ATAD2: variants seen among roughly 807,000 people sequenced by gnomAD.
ATAD2 encodes the protein ATPase family AAA domain-containing protein 2.
A neutral mutation model predicts 168.9 loss-of-function variants in ATAD2; 62 were observed. The ratio of observed to expected loss-of-function variants is 0.37; its 90% CI spans 0.30 to 0.45. The LOEUF is 0.45. Among genes scored for constraint, ATAD2 ranks in the 20% least tolerant of loss-of-function variants. The pLI, the probability that ATAD2 is intolerant of heterozygous loss-of-function variation, is 1.00. For missense variants in ATAD2, 1,419 were observed against 1,667.8 expected, an observed-to-expected ratio of 0.85 and a Z score of 2.60; for synonymous variants, 613 against 571.6, an observed-to-expected ratio of 1.07 and a Z score of -1.03.
At chr8:123,378,109 T>C (rs1476860284) in intron 2 of ATAD2, among the ~76,000 whole-genome samples, 1 of 152,210 alleles carries the variant, frequency 6.6e-6, no homozygotes, top group Admixed American at 6.5e-5. Flanking sequence ...ACTTCATCAA[T>C]TCTAAAAGTT....
chr8:123,368,622 A>T (rs1288140784), intron 8 of ATAD2, among the ~76,000 whole-genome samples: 1 of 152,204 alleles, frequency 6.6e-6, no homozygotes, highest in East Asian at 1.9e-4. Context: ...CAGAGTCATG[A>T]AAGGTCTAGA....
chr8:123,371,373 G>A, intron 4 of ATAD2, 35 bp from the exon 5 acceptor site: 4 of 1,505,208 alleles, frequency 2.7e-6, no homozygotes, highest in South Asian at 1.3e-5. Context: ...AGTGAAAATT[G>A]TAAAAGAGTA....
chr8:123,324,843 C>G (rs1023362031), intron 26 of ATAD2, among the ~76,000 whole-genome samples: 4 of 152,110 alleles, frequency 2.6e-5, no homozygotes, highest in Non-Finnish European at 4.4e-5. Flanking sequence ...GAATGAGCAA[C>G]AGATAACCTG....
chr8:123,382,020 T>C (rs548363710), intron 1 of ATAD2, among the ~76,000 whole-genome samples: 2 of 152,304 alleles, frequency 1.3e-5, no homozygotes, highest in East Asian at 1.9e-4. Context: ...CACTCCAGCC[T>C]GGGCGACACA....
intron 22 of ATAD2, 146 bp downstream of exon 22, chr8:123,336,227 C>A: frequency 2.8e-6 from 2 of 709,022 alleles, no homozygotes; most frequent in Non-Finnish European, 4.2e-6. Flanking sequence ...TTCTAAACTT[C>A]ATTTTTACCA....
At chr8:123,359,499 T>C (rs1202105085) in intron 10 of ATAD2, 78 bp downstream of exon 10, 68 of 1,379,742 alleles carry the variant, frequency 4.9e-5, no homozygotes, top group South Asian at 2.4e-4. Context: ...AGAAAAATCA[T>C]TGGTTCCTTT....
chr8:123,410,676 TTTTCACTCTA>T (rs552260509), intron 1 of ATAD2, among the ~76,000 whole-genome samples: 9 of 152,326 alleles, frequency 5.9e-5, no homozygotes, highest in South Asian at 2.1e-4. Flanking sequence ...GGGAGCTCTG[TTTTCACTCTA>T]TTTCACTCTA....
At chr8:123,389,181 T>A (rs1358630688) in intron 1 of ATAD2, among the ~76,000 whole-genome samples, 1 of 142,466 alleles carries the variant, frequency 7.0e-6, no homozygotes. Flanking sequence ...TTTCACCGTG[T>A]TAGCCAGGAT....
At chr8:123,401,648 C>A in intron 1 of ATAD2, 1 of 840,210 alleles carries the variant, frequency 1.2e-6, no homozygotes, top group Non-Finnish European at 2.1e-6. Context: ...CTTTGGTGTG[C>A]CCATCATAGC....
intron 8 of ATAD2, among the ~76,000 whole-genome samples, chr8:123,364,643 T>C (rs1283722732): frequency 2.0e-5 from 3 of 152,166 alleles, no homozygotes; most frequent in Admixed American, 2.0e-4. Context: ...ATAAATGTGA[T>C]ACACCACATA....
rs1029737710 is a variant in ATAD2, at chr8:123,320,615, C to T, written c.*519G>A. On this transcript the variant is annotated 3_prime_UTR_variant, in exon 28 of 28. Transcript: ENST00000287394. ...GGTGCAGCCAGAAGTGGTTCAAGAG[C>T]CCTCCCGCAAATCATGACTTGCACT... 2 of 153,254 alleles carry T rather than the reference C, an allele frequency of 1.3e-5. No homozygotes were observed. The highest frequency in any genetic ancestry group is 4.8e-5 in the African/African-American group (2 of 41,540). The allele number at this position is 153,254 out of a possible 1,614,324, so 9.5% of individuals were successfully genotyped here. A position where few individuals can be genotyped will look rare whatever the true frequency, so the allele number is the denominator to read the frequency against.
intron 1 of ATAD2, among the ~76,000 whole-genome samples, chr8:123,409,574 C>G (rs537685995): frequency 6.6e-6 from 1 of 152,214 alleles, no homozygotes; most frequent in East Asian, 1.9e-4. Context: ...CTCACTACAG[C>G]TTTGATCGCC....
intron 6 of ATAD2, 64 bp from the exon 7 acceptor site, chr8:123,370,088 A>G: frequency 7.1e-7 from 1 of 1,403,278 alleles, no homozygotes; most frequent in Admixed American, 1.9e-5. Flanking sequence ...TTTTTAACAT[A>G]GGTGAGTTGG....
At chr8:123,359,515 AC>A in intron 10 of ATAD2, 61 bp downstream of exon 10, 1 of 1,455,136 alleles carries the variant, frequency 6.9e-7, no homozygotes, top group South Asian at 1.2e-5. Context: ...CCTTTTTTTA[AC>A]TTTAAAACTA....
chr8:123,344,212 A>G (rs2131317334), intron 19 of ATAD2, among the ~76,000 whole-genome samples: 1 of 152,304 alleles, frequency 6.6e-6, no homozygotes, highest in Non-Finnish European at 1.5e-5. Flanking sequence ...AAATTATAGT[A>G]CATCAACAGT....
chr8:123,413,185 C>CA (rs1421703475), intron 1 of ATAD2, among the ~76,000 whole-genome samples: 1 of 150,926 alleles, frequency 6.6e-6, no homozygotes, highest in East Asian at 2.0e-4. Flanking sequence ...TTACACTGAC[C>CA]AACCCTTTGT....
chr8:123,328,092 G>T, intron 25 of ATAD2, 98 bp downstream of exon 25: 1 of 1,006,430 alleles, frequency 9.9e-7, no homozygotes, highest in Non-Finnish European at 1.3e-6. Context: ...CTCTCTGAAA[G>T]GCAAGCAAAA....
intron 1 of ATAD2, among the ~76,000 whole-genome samples, chr8:123,388,139 A>T (rs1829699198): frequency 6.6e-6 from 1 of 152,190 alleles, no homozygotes; most frequent in African/African-American, 2.4e-5. Context: ...GTCTCCCAAT[A>T]GCTACATCCA....
chr8:123,374,457 A>G (rs1563857684), intron 2 of ATAD2, among the ~76,000 whole-genome samples: 1 of 152,200 alleles, frequency 6.6e-6, no homozygotes, highest in Non-Finnish European at 1.5e-5. Flanking sequence ...TCCTCCCTTC[A>G]TACCATGTAG....
Sources: gnomAD v4.1 joint callset for allele counts (sites outside exome capture counted in the v4.1 genomes callset) on GRCh38, gnomAD v4.1.1 for gene constraint, MANE v1.5 for transcripts, NCBI Gene and HGNC (gene_info 2026-07-23, HGNC 2026-07-21) for gene names.